The following FRYL variants were observed in gnomAD, a reference collection of about 807,000 sequenced individuals.
FRYL encodes the protein protein furry homolog-like.
FRYL carries 150 observed loss-of-function variants against 351.2 expected under a neutral mutation model. That is an observed-to-expected ratio of 0.43 (90% CI 0.37 to 0.49). The LOEUF is 0.49. Among genes scored for constraint, FRYL ranks in the 20% least tolerant of loss-of-function variants. The pLI is 0.00. For synonymous variants in FRYL, 1,153 were observed against 1,257.1 expected (o/e 0.92, Z 1.75); for missense variants, 3,036 against 3,619.3 (o/e 0.84, Z 4.13).
chr4:48,562,242 C>T (rs1257990681), intron 32 of FRYL, among the ~76,000 whole-genome samples: 2 of 151,528 alleles, frequency 1.3e-5, no homozygotes, highest in Non-Finnish European at 2.9e-5. Context: ...GACCTTTCGA[C>T]ATTACACTAT....
intron 1 of FRYL, among the ~76,000 whole-genome samples, chr4:48,716,962 G>A (rs367596849): frequency 0.023 from 3,443 of 151,146 alleles, 150 homozygotes; most frequent in Non-Finnish European, 0.032. Context: ...ATGAGTTCAT[G>A]TCCTTTGTAG....
rs574228958 is a variant in FRYL at position 48,505,786 on chromosome 4, A to G, written c.8395-171T>C. 3.6e-5 allele frequency: 19 copies of G among 524,210 alleles called. No homozygotes were observed. In the South Asian group the frequency reaches 5.6e-4, roughly 15 times the overall value. 32.5% of individuals were successfully genotyped at this position (524,210 alleles called of 1,614,324 possible). A position where few individuals can be genotyped will look rare whatever the true frequency, so the allele number is the denominator to read the frequency against. ...CAATCATTTATATGGAACTAACAAAAGCAGGGATAGCATTAATGTAACAAG... is the reference window on the plus strand; with the variant it reads ...CAATCATTTATATGGAACTAACAAAGGCAGGGATAGCATTAATGTAACAAG... On this transcript the variant is annotated intron_variant, in intron 59 of 63. Transcript: ENST00000358350.
At chr4:48,511,248 G>C (rs1722411346) in intron 57 of FRYL, among the ~76,000 whole-genome samples, 1 of 152,088 alleles carries the variant, frequency 6.6e-6, no homozygotes, top group African/African-American at 2.4e-5. Flanking sequence ...TTTTTCATCA[G>C]GGGGCAGACA....
chr4:48,746,493 C>G (rs1308991311), intron 1 of FRYL, among the ~76,000 whole-genome samples: 1 of 149,728 alleles, frequency 6.7e-6, no homozygotes, highest in Non-Finnish European at 1.5e-5. Flanking sequence ...TGCAGTGAGC[C>G]GAGATCACAC....
At chr4:48,594,046 C>T (rs1242475067) in intron 15 of FRYL, 30 bp from the exon 16 acceptor site, 12 of 1,136,746 alleles carry the variant, frequency 1.1e-5, no homozygotes, top group Non-Finnish European at 1.5e-5. Context: ...TTATAACTTG[C>T]TACTATGTGT....
chr4:48,539,874 G>T (rs1255682358), intron 47 of FRYL, 97 bp downstream of exon 47: 4 of 830,428 alleles, frequency 4.8e-6, no homozygotes, highest in Admixed American at 5.3e-5. Flanking sequence ...TATGGGAAGT[G>T]ACAATAAAAG....
chr4:48,616,456 C>T (rs1749452577), intron 7 of FRYL, among the ~76,000 whole-genome samples: 1 of 152,060 alleles, frequency 6.6e-6, no homozygotes, highest in South Asian at 2.1e-4. Flanking sequence ...TCTTATGATT[C>T]TACAAAAATG....
intron 3 of FRYL, among the ~76,000 whole-genome samples, chr4:48,662,279 A>G (rs1039719676): frequency 2.6e-5 from 4 of 152,118 alleles, no homozygotes; most frequent in African/African-American, 9.7e-5. Flanking sequence ...TGTCTCTATA[A>G]ACAAATTTAA....
chr4:48,525,581 CAAG>C (rs1464456689), intron 53 of FRYL, among the ~76,000 whole-genome samples: 1 of 152,154 alleles, frequency 6.6e-6, no homozygotes, highest in Non-Finnish European at 1.5e-5. Context: ...AACACCCCTA[CAAG>C]AAGAGCTGAT....
intron 19 of FRYL, among the ~76,000 whole-genome samples, chr4:48,586,208 A>G (rs537192355): frequency 2.0e-5 from 3 of 152,304 alleles, no homozygotes; most frequent in Non-Finnish European, 4.4e-5. Context: ...TAGGGGGAAA[A>G]AAAAGCACAA....
intron 2 of FRYL, among the ~76,000 whole-genome samples, chr4:48,698,210 A>G (rs988817313): frequency 1.3e-5 from 2 of 152,238 alleles, no homozygotes; most frequent in African/African-American, 4.8e-5. Flanking sequence ...GGAACAGGAA[A>G]GACTTCACTG....
chr4:48,742,414 C>A (rs1382288144), intron 1 of FRYL, among the ~76,000 whole-genome samples: 4 of 152,186 alleles, frequency 2.6e-5, no homozygotes, highest in African/African-American at 9.7e-5. Context: ...CCTTCTCAAT[C>A]TTCATTCCTA....
At chr4:48,535,591 A>ACACACG in intron 48 of FRYL, 66 bp downstream of exon 48, 1 of 826,366 alleles carries the variant, frequency 1.2e-6, no homozygotes, top group Non-Finnish European at 1.7e-6. Flanking sequence ...ACACATACAC[A>ACACACG]CACACACACA....
intron 4 of FRYL, among the ~76,000 whole-genome samples, chr4:48,625,205 T>A (rs1751532036): frequency 6.6e-6 from 1 of 152,190 alleles, no homozygotes; most frequent in Admixed American, 6.5e-5. Context: ...TCCATTTCTC[T>A]GGAGAACCCT....
intron 23 of FRYL, among the ~76,000 whole-genome samples, chr4:48,577,193 A>T (rs1024486241): frequency 6.6e-6 from 1 of 152,236 alleles, no homozygotes; most frequent in African/African-American, 2.4e-5. Context: ...GTCAAAGAAG[A>T]TACATATTTT....
intron 27 of FRYL, among the ~76,000 whole-genome samples, chr4:48,569,347 C>T (rs6447645): frequency 0.51 from 77,985 of 151,970 alleles, 20,471 homozygotes; most frequent in South Asian, 0.61. Flanking sequence ...ACTCTTCTCA[C>T]CCAGGCTGAA....
At chr4:48,734,794 AG>A (rs1560331466) in intron 1 of FRYL, among the ~76,000 whole-genome samples, 1 of 152,206 alleles carries the variant, frequency 6.6e-6, no homozygotes, top group South Asian at 2.1e-4. Context: ...TTTATTAAAT[AG>A]GGAATCCTTT....
intron 19 of FRYL, among the ~76,000 whole-genome samples, chr4:48,586,087 A>G (rs1408874892): frequency 2.6e-5 from 4 of 152,216 alleles, no homozygotes; most frequent in Non-Finnish European, 5.9e-5. Context: ...GTCTCAACTT[A>G]GAATTAGGAG....
intron 1 of FRYL, among the ~76,000 whole-genome samples, chr4:48,711,311 C>A (rs1767982815): frequency 6.6e-6 from 1 of 152,240 alleles, no homozygotes; most frequent in African/African-American, 2.4e-5. Context: ...CTTTCCTAAT[C>A]AAAGAAAGGG....
Sources: gnomAD v4.1 joint callset for allele counts (sites outside exome capture counted in the v4.1 genomes callset) on GRCh38, gnomAD v4.1.1 for gene constraint, MANE v1.5 for transcripts, NCBI Gene and HGNC (gene_info 2026-07-23, HGNC 2026-07-21) for gene names.